Variants in PKN3 observed in about 807,000 individuals in gnomAD.
The protein encoded by PKN3 is protein kinase N3, also known as serine/threonine-protein kinase N3.
PKN3 carries 91 observed loss-of-function variants against 113.1 expected under a neutral mutation model. The observed-to-expected ratio is 0.80, with a 90% confidence interval of 0.68 to 0.96. The LOEUF is 0.96. Ranked by LOEUF, PKN3 falls within the 40% of genes least tolerant of loss-of-function variation. The pLI, the probability that PKN3 is intolerant of heterozygous loss-of-function variation, is 0.00. For missense variants in PKN3, 1,052 were observed against 1,202.2 expected (o/e 0.88, Z 1.85); for synonymous variants, 467 against 499.0 (o/e 0.94, Z 0.85).
In PKN3 at chr9:128,706,924, G is replaced by T; in HGVS notation, c.552G>T (p.Gln184His). 6.2e-7 allele frequency: 1 copy of T among 1,614,206 alleles called. No homozygotes were observed. Among genetic ancestry groups the T allele is most frequent in the Non-Finnish European group, 8.5e-7 (1 of 1,180,034 alleles). Residue 184 changes from glutamine to histidine, a missense_variant, in exon 5 of 22, where the codon CAG (glutamine) becomes CAT (histidine). Physicochemically the swap from Gln to His is conservative, Grantham distance 24 (BLOSUM62 0). This residue lies in a region of PKN3 where 719 missense variants were observed against 759.4 expected (regional missense o/e 0.95). Transcript: ENST00000291906. ...PGPELLAEEL[Q>H]HRLHVEAAVA... Reference sequence around the variant, plus strand: ...CTGAGCTGCTGGCGGAGGAGCTACAGCATCGACTGCACGTTGAGGCAGCTG... The same window carrying T: ...CTGAGCTGCTGGCGGAGGAGCTACATCATCGACTGCACGTTGAGGCAGCTG...
At chr9:128,709,416 G>A (rs1470924837) in intron 6 of PKN3, among the ~76,000 whole-genome samples, 6 of 148,430 alleles carry the variant, frequency 4.0e-5, no homozygotes, top group South Asian at 2.1e-4. Flanking sequence ...CCATGATCGC[G>A]CCACTGCACT....
intron 6 of PKN3, among the ~76,000 whole-genome samples, chr9:128,712,062 A>G (rs1862196358): frequency 6.6e-6 from 1 of 151,880 alleles, no homozygotes; most frequent in Non-Finnish European, 1.5e-5. Context: ...GGTGCCCACC[A>G]TCATGCCCGG....
Position 128,720,079 on chromosome 9 carries a change from C to G in PKN3, c.2376+62C>G, listed in dbSNP as rs561303349. On this transcript the variant is annotated intron_variant, in intron 20 of 21. Coordinates refer to ENST00000291906, the MANE Select transcript of PKN3 (RefSeq NM_013355.5). The surrounding 1 kb of genome is among the most constrained non-coding windows in gnomAD (Gnocchi z 5.5). The stretch of plus-strand genomic sequence containing the variant: ...CGCTCAAGGCCCATGTGCCCTCTGC[C>G]GTGGGACAGCAGACCCCCTGCCACC... 7 of 1,535,702 alleles carry G rather than the reference C, an allele frequency of 4.6e-6. No individual in the cohort carries two copies. Among genetic ancestry groups the G allele is most frequent in the Non-Finnish European group, 6.3e-6 (7 of 1,109,930 alleles).
chr9:128,713,940 A>G lies in PKN3; in HGVS notation c.1237-106A>G, dbSNP rs893019486. Reference sequence around the variant, plus strand: ...TTCTCTGGGTCTTTCTGGCTCTTGCATCTGTTGACCCTGGGGGCTTGGGCT... The same window carrying G: ...TTCTCTGGGTCTTTCTGGCTCTTGCGTCTGTTGACCCTGGGGGCTTGGGCT... On this transcript the variant is annotated intron_variant, in intron 9 of 21. Transcript: ENST00000291906. 2.9e-5 allele frequency: 33 copies of G among 1,154,734 alleles called. No individual in the cohort carries two copies. In the African/African-American group the frequency reaches 4.2e-4, roughly 15 times the overall value. 71.5% of individuals were successfully genotyped at this position (1,154,734 alleles called of 1,614,324 possible).
At chr9:128,719,106 G>A (rs1402347278) in intron 18 of PKN3, among the ~76,000 whole-genome samples, 2 of 151,080 alleles carry the variant, frequency 1.3e-5, no homozygotes, top group African/African-American at 2.4e-5. Context: ...CTGTGTTAGC[G>A]AGGATGGTCT....
chr9:128,718,465 C>T (rs1862411472), intron 17 of PKN3, 78 bp downstream of exon 17: 1 of 1,583,476 alleles, frequency 6.3e-7, no homozygotes, highest in South Asian at 1.1e-5. Context: ...GCTGCCTCCG[C>T]CTGCCTGGGC....
intron 2 of PKN3, 85 bp from the exon 3 acceptor site, chr9:128,705,649 A>G: frequency 6.5e-7 from 1 of 1,539,142 alleles, no homozygotes. Flanking sequence ...TCCTGCCTAT[A>G]GATCAGTAGG....
chr9:128,710,977 CTTTT>C (rs199532029), intron 6 of PKN3, among the ~76,000 whole-genome samples: 1 of 145,188 alleles, frequency 6.9e-6, no homozygotes, highest in Non-Finnish European at 1.5e-5. Flanking sequence ...TTGAGTTGTC[CTTTT>C]TTTTTTTTGA....
At chr9:128,705,570 G>A (rs1861989025) in intron 2 of PKN3, 27 bp downstream of exon 2, 2 of 1,551,320 alleles carry the variant, frequency 1.3e-6, no homozygotes, top group Non-Finnish European at 1.7e-6. Flanking sequence ...GACCCCCTCA[G>A]GACAGAAGGC....
At position 128,715,531 on chromosome 9, in the gene PKN3, T is replaced by C. The variant is rs1381752254; in HGVS notation, c.1808+71T>C. 1.7e-6 allele frequency: 2 copies of C among 1,196,642 alleles called. No individual in the cohort carries two copies. Among genetic ancestry groups the C allele is most frequent in the African/African-American group, 3.0e-5 (2 of 66,358 alleles). 74.1% of individuals were successfully genotyped at this position (1,196,642 alleles called of 1,614,324 possible). A position where few individuals can be genotyped will look rare whatever the true frequency, so the allele number is the denominator to read the frequency against. On this transcript the variant is annotated intron_variant, in intron 15 of 21. Coordinates refer to ENST00000291906, the MANE Select transcript of PKN3 (RefSeq NM_013355.5). This position sits in a 1 kb window ranked among gnomAD's most constrained non-coding sequence, Gnocchi z 4.1. ...GTGGCATCCAGAGGGCAGTTGAAGG[T>C]TCCTGGGGCTTTGGAGAGGTGACCC...
chr9:128,702,974 G>T, intron 1 of PKN3, 35 bp downstream of exon 1: 1 of 1,361,406 alleles, frequency 7.3e-7, no homozygotes, highest in Non-Finnish European at 9.5e-7. Flanking sequence ...GGGCCCGGGG[G>T]GTGCGAGAAA....
chr9:128,707,122 C>G (rs532195149), intron 5 of PKN3, 99 bp downstream of exon 5: 2 of 1,592,016 alleles, frequency 1.3e-6, no homozygotes, highest in South Asian at 1.1e-5. Flanking sequence ...AGCAGGACTT[C>G]TCTGTTGAGA....
intron 16 of PKN3, among the ~76,000 whole-genome samples, 194 bp downstream of exon 16, chr9:128,717,117 C>CTTGTTTTTTTTTTTTTTTTTT (rs1862363185): frequency 4.1e-5 from 1 of 24,364 alleles, no homozygotes; most frequent in Non-Finnish European, 8.1e-5. Context: ...CATTAGGTTT[C>CTTGTTTTTTTTTTTTTTTTTT]TTTTTTTTTT....
chr9:128,704,844 G>A (rs1261499996), intron 1 of PKN3, among the ~76,000 whole-genome samples: 1 of 151,768 alleles, frequency 6.6e-6, no homozygotes, highest in African/African-American at 2.4e-5. Context: ...CTTGAACCCG[G>A]GAGGCAGAGG....
chr9:128,713,506 A>G lies in PKN3; in HGVS notation c.1100A>G (p.Glu367Gly), dbSNP rs776452671. ...CTGGCCTCCCCAATACAGGCCCGTG[A>G]GCTGGAGATTGGGGTACACTGGCGG... is the stretch of plus-strand genomic sequence containing the variant. ...TFVIPLERAR[E>G]LEIGVHWRDW... Residue 367 changes from glutamate to glycine, a missense_variant, in exon 9 of 22, where the codon GAG becomes GGG. Glu to Gly is a moderately conservative substitution (Grantham distance 98). Transcript: ENST00000291906. 2.5e-6 allele frequency: 4 copies of G among 1,613,970 alleles called. No individual in the cohort carries two copies. Among genetic ancestry groups the G allele is most frequent in the Admixed American group, 3.3e-5 (2 of 60,008 alleles).
chr9:128,714,343 G>C lies in PKN3; in HGVS notation c.1459G>C (p.Ala487Pro), dbSNP rs200435271. The change falls in exon 11 of 22, where the codon GCC (alanine) becomes CCC (proline). Residue 487 changes from alanine to proline, a missense_variant. By Grantham distance (27) the Ala-to-Pro change is conservative. This residue lies in a region of PKN3 where 719 missense variants were observed against 759.4 expected (regional missense o/e 0.95). Transcript: ENST00000291906. Reference sequence around the variant, plus strand: ...TCGGACCCCAACAACACTGCGAGAGGCCTCTGACCCTGCCACTCCCAGGTG... The same window carrying C: ...TCGGACCCCAACAACACTGCGAGAGCCCTCTGACCCTGCCACTCCCAGGTG... ...CPRTPTTLRE[A>P]SDPATPSNFL... 77 of 1,602,664 alleles carry C rather than the reference G, an allele frequency of 4.8e-5. 1 individual carries two copies. The East Asian group carries it at 1.7e-3, about 35-fold the overall frequency.
chr9:128,719,650 C>T, intron 18 of PKN3, 36 bp from the exon 19 acceptor site: 3 of 1,523,274 alleles, frequency 2.0e-6, no homozygotes, highest in Non-Finnish European at 2.6e-6. Flanking sequence ...GAATAGGCCA[C>T]ACCAAGCAGC....
rs1236595320 is a variant in PKN3 at position 128,714,827 on chromosome 9, G to A, written c.1614G>A (p.Arg538=). The A allele has an allele frequency of 4.3e-6, 7 of 1,614,040 alleles. 1 individual carries two copies. Among genetic ancestry groups the A allele is most frequent in the Admixed American group, 1.7e-5 (1 of 60,012 alleles). The change falls in exon 13 of 22, where the codon AGG becomes AGA. Residue 538 remains arginine (R), a synonymous_variant. Transcript: ENST00000291906. ...CCAAACGTCCCCATATGGAGCCTAG[G>A]ACTCGACGTGGGCCATCTCCACCAG... The part of the protein sequence containing the change: ...PRTKRPHMEP[R]TRRGPSPPAS...
At chr9:128,718,411 CG>C in intron 17 of PKN3, 24 bp downstream of exon 17, 1 of 457,158 alleles carries the variant, frequency 2.2e-6, no homozygotes, top group Non-Finnish European at 4.4e-6. Flanking sequence ...CAGGGATGCA[CG>C]GGGGTAGGGG....
Sources: gnomAD v4.1 joint callset for allele counts (sites outside exome capture counted in the v4.1 genomes callset) on GRCh38, gnomAD v4.1.1 for gene constraint, gnomAD v4.1.1 regional missense constraint, Gnocchi (gnomAD v3.1) non-coding constraint, MANE v1.5 for transcripts, NCBI Gene and HGNC (gene_info 2026-07-23, HGNC 2026-07-21) for gene names.